Variants in FOXD4L1 observed in about 807,000 individuals in gnomAD.
FOXD4L1 encodes the protein forkhead box D4 like 1.
A neutral mutation model predicts 24.8 loss-of-function variants in FOXD4L1; 10 were observed. That is an observed-to-expected ratio of 0.40 (90% CI 0.25 to 0.68). The LOEUF is 0.68. Among genes scored for constraint, FOXD4L1 ranks in the 30% least tolerant of loss-of-function variants. The pLI is 0.37. For synonymous variants in FOXD4L1, 159 were observed against 256.4 expected (o/e 0.62, Z 3.63); for missense variants, 364 against 572.4 (o/e 0.64, Z 3.72).
exon 1 of FOXD4L1, chr2:113,500,446 G>A: frequency 6.6e-7 from 1 of 1,518,620 alleles, no homozygotes; most frequent in African/African-American, 1.4e-5. Context: ...GGCCGCGTCG[G>A]CGCTGCTGCG....
At chr2:113,500,523 C>T in exon 1 of FOXD4L1, 1 of 1,512,256 alleles carries the variant, frequency 6.6e-7, no homozygotes, top group Non-Finnish European at 8.9e-7. Flanking sequence ...GAGAGGGGAC[C>T]TCACCAGTTT....
At chr2:113,500,974 A>G (rs573657795) in exon 1 of FOXD4L1, 1 of 213,690 alleles carries the variant, frequency 4.7e-6, no homozygotes, top group East Asian at 1.9e-4. Flanking sequence ...TCCTAAGTCT[A>G]GTGCAAAATG....
exon 1 of FOXD4L1, chr2:113,500,230 G>A (rs550972627): frequency 6.4e-7 from 1 of 1,557,240 alleles, no homozygotes; most frequent in East Asian, 2.8e-5. Flanking sequence ...ATCTCTTTCA[G>A]CATTGAGAGT....
Position 113,499,309 on chromosome 2 carries a change from G to A in FOXD4L1, c.53G>A (p.Arg18Gln), listed in dbSNP as rs900886236. 1.9e-6 allele frequency: 3 copies of A among 1,609,384 alleles called. 1 individual carries two copies. Among genetic ancestry groups the A allele is most frequent in the East Asian group, 4.5e-5 (2 of 44,568 alleles). The change falls in exon 1 of 1, where the codon CGG becomes CAG. Residue 18 changes from arginine (R) to glutamine (Q), a missense_variant. By Grantham distance (43) the Arg-to-Gln change is conservative (BLOSUM62 1). Transcript: ENST00000306507. ...CGCTCCACACCGCAGCGCAGCCTCC[G>A]GGACTCCGATGGGGAAGACGGTAAA... is the stretch of plus-strand genomic sequence containing the variant.
chr2:113,500,067 C>G (rs754372052), exon 1 of FOXD4L1: 3 of 1,585,560 alleles, frequency 1.9e-6, no homozygotes, highest in South Asian at 2.2e-5. Flanking sequence ...TCGCTACCTA[C>G]TGCTCTCGGC....
At position 113,499,589 on chromosome 2, in the gene FOXD4L1, G is replaced by A. The variant is rs149561319; in HGVS notation, c.333G>A (p.Ser111=). The change falls in exon 1 of 1, where the codon TCG becomes TCA. Residue 111 remains serine, a synonymous_variant. Coordinates refer to ENST00000306507, the Ensembl canonical transcript of FOXD4L1. ...GGCAGCCGGCAAAGCCCCCCTACTC[G>A]TACATCGCGCTCATCACCATGGCCA... The A allele has an allele frequency of 1.4e-5, 22 of 1,610,940 alleles. No homozygotes were observed. The Admixed American group carries it at 2.0e-4, about 15-fold the overall frequency.
At chr2:113,500,915 T>C (rs1477175716) in exon 1 of FOXD4L1, 1 of 307,946 alleles carries the variant, frequency 3.2e-6, no homozygotes, top group Non-Finnish European at 6.1e-6. Flanking sequence ...CAGCCTCCGA[T>C]GCCAAACATG....
Position 113,499,280 on chromosome 2 carries a change from C to T in FOXD4L1, c.24C>T (p.Arg8=), listed in dbSNP as rs1310867539. 16 of 1,598,700 alleles carry T rather than the reference C, an allele frequency of 1.0e-5. 1 individual carries two copies. The highest frequency in any genetic ancestry group is 1.4e-5 in the Non-Finnish European group (16 of 1,171,088). The change falls in exon 1 of 1, where the codon CGC becomes CGT. Residue 8 remains arginine, a synonymous_variant. Transcript: ENST00000306507. ...CCATGAACCTGCCAAGAGCTGAGCG[C>T]CCTCGCTCCACACCGCAGCGCAGCC...
At chr2:113,499,515 A>G (rs775347870) in exon 1 of FOXD4L1, 14 of 1,602,672 alleles carry the variant, frequency 8.7e-6, no homozygotes, top group Middle Eastern at 2.2e-4. Context: ...AGAGTTTGGC[A>G]CCGAGTTCAG....
exon 1 of FOXD4L1, chr2:113,499,810 C>G: frequency 6.5e-7 from 1 of 1,542,892 alleles, no homozygotes; most frequent in Non-Finnish European, 8.8e-7. Context: ...AGCCTGGACC[C>G]CGCCTCCCAG....
exon 1 of FOXD4L1, chr2:113,500,720 A>T (rs1378777688): frequency 9.2e-7 from 1 of 1,090,882 alleles, no homozygotes; most frequent in East Asian, 3.5e-5. Flanking sequence ...AGAAAGAAAC[A>T]GCTGGATTAC....
chr2:113,500,877 A>T, exon 1 of FOXD4L1: 1 of 380,112 alleles, frequency 2.6e-6, no homozygotes, highest in Non-Finnish European at 4.6e-6. Flanking sequence ...CTGGCATTAG[A>T]AGAAAAACAA....
rs1458048855 is a variant in FOXD4L1, at chr2:113,500,498, C to T, written c.*15C>T. On this transcript the variant is annotated 3_prime_UTR_variant, in exon 1 of 1. Coordinates refer to ENST00000306507, the Ensembl canonical transcript of FOXD4L1. ...GAGGGCTCTAGGCTGACATCGCTGG[C>T]TGCCCCTTTGGGCGGAGAGGGGACC... 4.0e-6 allele frequency: 6 copies of T among 1,517,058 alleles called. 1 individual carries two copies. The South Asian group carries it at 7.1e-5, about 18-fold the overall frequency. 94.0% of individuals were successfully genotyped at this position (1,517,058 alleles called of 1,614,324 possible).
exon 1 of FOXD4L1, chr2:113,500,376 G>A: frequency 4.6e-6 from 7 of 1,519,780 alleles, no homozygotes; most frequent in Non-Finnish European, 6.2e-6. Flanking sequence ...AGCATCAGGA[G>A]GAGGACTGCG....
chr2:113,500,593 G>C, exon 1 of FOXD4L1: 1 of 1,474,160 alleles, frequency 6.8e-7, no homozygotes, highest in African/African-American at 1.4e-5. Flanking sequence ...CTAGAGCCAG[G>C]TGGGAGTGGG....
At chr2:113,499,281 C>G in exon 1 of FOXD4L1, 1 of 1,599,844 alleles carries the variant, frequency 6.3e-7, no homozygotes, top group Non-Finnish European at 8.5e-7. Context: ...AGCTGAGCGC[C>G]CTCGCTCCAC....
Position 113,499,141 on chromosome 2 carries a change from G to C in FOXD4L1, c.-116G>C, listed in dbSNP as rs1489045177. The C allele has an allele frequency of 2.6e-6, 4 of 1,552,916 alleles. No individual in the cohort carries two copies. In the East Asian group the frequency reaches 7.0e-5, roughly 27 times the overall value. On this transcript the variant is annotated 5_prime_UTR_variant, in exon 1 of 1. Coordinates refer to ENST00000306507, the Ensembl canonical transcript of FOXD4L1. ...AACAAGCAGAGGAAAACATCCCAAA[G>C]GGTAACCACTAGCGTTCCTGCTTCT...
exon 1 of FOXD4L1, chr2:113,500,393 G>C (rs1248168364): frequency 6.6e-7 from 1 of 1,519,458 alleles, no homozygotes; most frequent in South Asian, 1.2e-5. Flanking sequence ...TGCGCCAACG[G>C]CTGCGCTCCC....
chr2:113,499,634 G>T (rs1682400866), exon 1 of FOXD4L1: 1 of 1,612,240 alleles, frequency 6.2e-7, no homozygotes, highest in Non-Finnish European at 8.5e-7. Flanking sequence ...GCCCGCACAA[G>T]CGCCTCACGC....
Sources: gnomAD v4.1 joint callset for allele counts on GRCh38, gnomAD v4.1.1 for gene constraint, MANE v1.5 for transcripts, NCBI Gene and HGNC (gene_info 2026-07-23, HGNC 2026-07-21) for gene names.